The following KCTD8 variants were observed in gnomAD, a reference collection of about 807,000 sequenced individuals.
KCTD8 encodes potassium channel tetramerization domain containing 8.
A neutral mutation model predicts 31.5 loss-of-function variants in KCTD8; 27 were observed. The ratio of observed to expected loss-of-function variants is 0.86; its 90% confidence interval spans 0.63 to 1.18. The LOEUF is 1.18. Among genes scored for constraint, KCTD8 ranks in the 50% most tolerant of loss-of-function variants. KCTD8 has a pLI of 0.00. For missense variants in KCTD8, 658 were observed against 647.7 expected (o/e 1.02, Z -0.17); for synonymous variants, 290 against 280.0 (o/e 1.04, Z -0.36).
chr4:44,372,654 A>G (rs1409368877), intron 1 of KCTD8, among the ~76,000 whole-genome samples: 2 of 152,152 alleles, frequency 1.3e-5, no homozygotes, highest in African/African-American at 4.8e-5. Context: ...AAAATCCAGA[A>G]GTTTCTGATT....
At chr4:44,244,581 A>G (rs1715597358) in intron 1 of KCTD8, among the ~76,000 whole-genome samples, 1 of 152,196 alleles carries the variant, frequency 6.6e-6, no homozygotes, top group Non-Finnish European at 1.5e-5. Context: ...ACAAAAATCC[A>G]GAATGATTAC....
At chr4:44,305,859 A>G (rs1214602004) in intron 1 of KCTD8, among the ~76,000 whole-genome samples, 2 of 151,924 alleles carry the variant, frequency 1.3e-5, no homozygotes, top group African/African-American at 4.8e-5. Context: ...TGCTATCATA[A>G]TAATCCTATC....
intron 1 of KCTD8, among the ~76,000 whole-genome samples, chr4:44,378,187 A>G (rs1011584231): frequency 6.7e-6 from 1 of 148,176 alleles, no homozygotes; most frequent in African/African-American, 2.5e-5. Flanking sequence ...ACGGACTGAA[A>G]TAAAAAATAC....
chr4:44,407,152 T>C (rs1402587155), intron 1 of KCTD8, among the ~76,000 whole-genome samples: 1 of 152,150 alleles, frequency 6.6e-6, no homozygotes, highest in Non-Finnish European at 1.5e-5. Context: ...ATTATCATGA[T>C]TCTTCCAATT....
chr4:44,417,878 G>T (rs1356181363), intron 1 of KCTD8, among the ~76,000 whole-genome samples: 4 of 116,418 alleles, frequency 3.4e-5, no homozygotes, highest in Non-Finnish European at 7.6e-5. Context: ...CAAGTCTCAT[G>T]AACTACCAAC....
chr4:44,306,382 T>C (rs1199503517), intron 1 of KCTD8, among the ~76,000 whole-genome samples: 1 of 151,956 alleles, frequency 6.6e-6, no homozygotes, highest in Non-Finnish European at 1.5e-5. Flanking sequence ...GTTCACATGG[T>C]TAGTAAGGTG....
At chr4:44,338,458 A>G (rs759044924) in intron 1 of KCTD8, among the ~76,000 whole-genome samples, 3 of 152,188 alleles carry the variant, frequency 2.0e-5, no homozygotes, top group Non-Finnish European at 4.4e-5. Flanking sequence ...CAAATCACCT[A>G]GATGCATGAC....
At chr4:44,346,500 G>A (rs887506472) in intron 1 of KCTD8, among the ~76,000 whole-genome samples, 9 of 152,010 alleles carry the variant, frequency 5.9e-5, no homozygotes, top group African/African-American at 1.7e-4. Flanking sequence ...ATTTCAGCTC[G>A]ATTATACAAC....
chr4:44,248,376 C>A (rs1715729847), intron 1 of KCTD8, among the ~76,000 whole-genome samples: 1 of 150,906 alleles, frequency 6.6e-6, no homozygotes, highest in Non-Finnish European at 1.5e-5. Context: ...AGGTTCATCT[C>A]TTCCTGTGCT....
At chr4:44,441,515 T>C (rs551444887) in intron 1 of KCTD8, among the ~76,000 whole-genome samples, 190 of 152,324 alleles carry the variant, frequency 1.2e-3, no homozygotes, top group African/African-American at 4.2e-3. Context: ...TTTTTGCTTA[T>C]AAACAGAAGT....
intron 1 of KCTD8, among the ~76,000 whole-genome samples, chr4:44,246,188 C>G (rs1380614421): frequency 6.6e-6 from 1 of 151,916 alleles, no homozygotes; most frequent in East Asian, 1.9e-4. Flanking sequence ...AATCTAACCC[C>G]AACTTTTGCA....
At chr4:44,233,503 A>G (rs1715182434) in intron 1 of KCTD8, among the ~76,000 whole-genome samples, 1 of 152,100 alleles carries the variant, frequency 6.6e-6, no homozygotes, top group South Asian at 2.1e-4. Context: ...GAATCTGTCA[A>G]TCCCTGACTT....
chr4:44,223,731 CTTCT>C (rs2109349187), intron 1 of KCTD8, among the ~76,000 whole-genome samples: 1 of 152,270 alleles, frequency 6.6e-6, no homozygotes, highest in African/African-American at 2.4e-5. Flanking sequence ...AAATTCCTTT[CTTCT>C]TTGTTTCCAC....
At position 44,420,998 on chromosome 4, in the gene KCTD8, T is replaced by G. The variant is rs1456114609; in HGVS notation, c.961+26565A>C. Among the ~76,000 whole-genome samples, 8 of 152,156 alleles carry G rather than the reference T, an allele frequency of 5.3e-5. No homozygotes were observed. In the East Asian group the frequency reaches 1.6e-3, roughly 29 times the overall value. On this transcript the variant is annotated intron_variant, in intron 1 of 1. Transcript: ENST00000360029. ...AGATTAAAAAAAAAAGGCAGTGACT[T>G]TCTAATAGAAAGGTAAGGGACTTTC...
intron 1 of KCTD8, among the ~76,000 whole-genome samples, chr4:44,226,056 C>T (rs7669049): frequency 0.23 from 35,320 of 151,862 alleles, 4,264 homozygotes; most frequent in South Asian, 0.32. Context: ...TCTCCATCTC[C>T]GGACCTTGTG....
intron 1 of KCTD8, among the ~76,000 whole-genome samples, chr4:44,210,806 T>C (rs1361956841): frequency 6.6e-6 from 1 of 152,166 alleles, no homozygotes; most frequent in Non-Finnish European, 1.5e-5. Flanking sequence ...AGCAGTTCTA[T>C]TACTGGGAGA....
At chr4:44,229,802 C>A (rs1289359575) in intron 1 of KCTD8, among the ~76,000 whole-genome samples, 1 of 151,682 alleles carries the variant, frequency 6.6e-6, no homozygotes, top group Non-Finnish European at 1.5e-5. Context: ...ACTCTACAAA[C>A]AACTGCCTTA....
intron 1 of KCTD8, among the ~76,000 whole-genome samples, chr4:44,229,165 T>C (rs924425960): frequency 2.6e-5 from 4 of 152,164 alleles, no homozygotes; most frequent in African/African-American, 7.2e-5. Flanking sequence ...TACAGCTGTT[T>C]CAGGTAGCTA....
rs552432845 is a variant in KCTD8 at position 44,298,735 on chromosome 4, T to C, written c.962-123485A>G. Among the ~76,000 whole-genome samples the C allele has an allele frequency of 7.9e-5, 12 of 152,254 alleles. No individual in the cohort carries two copies. In the East Asian group the frequency reaches 1.7e-3, roughly 22 times the overall value. The stretch of plus-strand genomic sequence containing the variant: ...CACACCCACTGGCTCTGTACTAAAG[T>C]GACAAAATGTTACCATCTTAAAGAC... On this transcript the variant is annotated intron_variant, in intron 1 of 1. Transcript: ENST00000360029.
Sources: gnomAD v4.1 joint callset for allele counts (sites outside exome capture counted in the v4.1 genomes callset) on GRCh38, gnomAD v4.1.1 for gene constraint, MANE v1.5 for transcripts, NCBI Gene and HGNC (gene_info 2026-07-23, HGNC 2026-07-21) for gene names.